Variants in SEPHS2 observed in about 807,000 individuals in gnomAD.
The protein encoded by SEPHS2 is selenide, water dikinase 2.
In SEPHS2, 11 loss-of-function variants were observed where a neutral mutation model predicts 23.9. That is an observed-to-expected ratio of 0.46 (90% confidence interval 0.29 to 0.76). The LOEUF is 0.76. Ranked by LOEUF, SEPHS2 falls within the 30% of genes least tolerant of loss-of-function variation. The probability of loss-of-function intolerance (pLI) is 0.10; values close to 1 mark genes in which losing one functional copy is unlikely to be tolerated. For missense variants in SEPHS2, 541 were observed against 592.5 expected (o/e 0.91, Z 0.90); for synonymous variants, 239 against 247.5 (o/e 0.97, Z 0.32).
At position 30,444,756 on chromosome 16, in the gene SEPHS2, T is replaced by A. The variant is rs1479786995; in HGVS notation, c.972A>T (p.Gly324=). ...GTTGTTTTGCAAGGTTCTGGGAGTG[T>A]CCTAGAATGCCAAAGCCTGTGATAT... The part of the protein sequence containing the change: ...ATDITGFGIL[G]HSQNLAKQQR... Residue 324 remains glycine (G), a synonymous_variant, in exon 1 of 1, where the codon GGA becomes GGT. Transcript: ENST00000478753. This position sits in a 1 kb window ranked among gnomAD's most constrained non-coding sequence, Gnocchi z 4.0. The A allele has an allele frequency of 6.2e-7, 1 of 1,611,262 alleles. No individual in the cohort carries two copies. The highest frequency in any genetic ancestry group is 8.5e-7 in the Non-Finnish European group (1 of 1,178,198).
chr16:30,445,555 T>A lies in SEPHS2; in HGVS notation c.173A>T (p.Lys58Met). ...CTGCGGGACCTTGCAGCCTCAGCCCTTCATGCCGGAGAAGCCCGTCAGCCG... is the reference window on the plus strand; with the variant it reads ...CTGCGGGACCTTGCAGCCTCAGCCCATCATGCCGGAGAAGCCCGTCAGCCG... ...SWRLTGFSGM[K>M]GUGCKVPQEA... is the part of the protein sequence containing the mutation. The change falls in exon 1 of 1, where the codon AAG becomes ATG. Residue 58 changes from lysine (K) to methionine (M), a missense_variant. Physicochemically the swap from Lys to Met is moderately conservative, Grantham distance 95. This residue lies in a region of SEPHS2 where 207 missense variants were observed against 182.2 expected (regional missense o/e 1.14). Coordinates refer to ENST00000478753, the MANE Select transcript of SEPHS2 (RefSeq NM_012248.4). The A allele has an allele frequency of 6.5e-7, 1 of 1,537,270 alleles. No individual in the cohort carries two copies. Among genetic ancestry groups the A allele is most frequent in the Non-Finnish European group, 8.7e-7 (1 of 1,147,512 alleles).
chr16:30,445,339 C>A lies in SEPHS2; in HGVS notation c.389G>T (p.Gly130Val). The A allele has an allele frequency of 6.2e-7, 1 of 1,612,840 alleles. No homozygotes were observed. Among genetic ancestry groups the A allele is most frequent in the Non-Finnish European group, 8.5e-7 (1 of 1,179,370 alleles). Residue 130 changes from glycine to valine, a missense_variant, in exon 1 of 1, where the codon GGC becomes GTC. This residue lies in a region of SEPHS2 where 207 missense variants were observed against 182.2 expected (regional missense o/e 1.14). Coordinates refer to ENST00000478753, the MANE Select transcript of SEPHS2 (RefSeq NM_012248.4). ...DSCVIPLRHG[G>V]LSLVQTTDFF... ...GTCCGTGGTCTGCACCAGTGACAGG[C>A]CCCCGTGCCTCAGGGGGATGACGCA...
Position 30,445,873 on chromosome 16 carries a change from C to CTCGACAAGGTCATCTATAA in SEPHS2, c.-147_-146insTTATAGATGACCTTGTCGA. 8.9e-7 allele frequency: 1 copy of CTCGACAAGGTCATCTATAA among 1,122,414 alleles called. No homozygotes were observed. Among genetic ancestry groups the CTCGACAAGGTCATCTATAA allele is most frequent in the Non-Finnish European group, 1.2e-6 (1 of 823,060 alleles). 69.5% of individuals were successfully genotyped at this position (1,122,414 alleles called of 1,614,324 possible). A position where few individuals can be genotyped will look rare whatever the true frequency, so the allele number is the denominator to read the frequency against. On this transcript the variant is annotated 5_prime_UTR_variant, in exon 1 of 1. It adds an upstream start codon to the 5' untranslated region. Transcript: ENST00000478753. Reference sequence around the variant, plus strand: ...CAGACCCACGGCATGCACAATCTTCCTGATAGAGGAGCCGCCGGACTCCCT... The same window carrying CTCGACAAGGTCATCTATAA: ...CAGACCCACGGCATGCACAATCTTCCTCGACAAGGTCATCTATAATGATAGAGGAGCCGCCGGACTCCCT...
chr16:30,445,193 C>G lies in SEPHS2; in HGVS notation c.535G>C (p.Val179Leu), dbSNP rs2050273277. Residue 179 changes from valine to leucine, a missense_variant, in exon 1 of 1, where the codon GTC becomes CTC. By Grantham distance (32) the Val-to-Leu change is conservative. Transcript: ENST00000478753. ...ECDNMLMLLS[V>L]SQSMSEEERE... ...TCCTCCTCACTCATACTCTGGCTGACGCTGAGTAACATCAACATGTTGTCA... is the reference window on the plus strand; with the variant it reads ...TCCTCCTCACTCATACTCTGGCTGAGGCTGAGTAACATCAACATGTTGTCA... The G allele has an allele frequency of 6.2e-7, 1 of 1,614,104 alleles. No homozygotes were observed. Among genetic ancestry groups the G allele is most frequent in the African/African-American group, 1.3e-5 (1 of 74,934 alleles).
In SEPHS2 at chr16:30,445,505, C is replaced by T; in HGVS notation, c.223G>A (p.Gly75Arg). ...PQEALLKLLA[G>R]LTRPDVRPPL... Reference sequence around the variant, plus strand: ...GGCCGCACGTCCGGCCGCGTCAGTCCCGCCAGGAGTTTGAGCAGCGCCTCC... The same window carrying T: ...GGCCGCACGTCCGGCCGCGTCAGTCTCGCCAGGAGTTTGAGCAGCGCCTCC... The change falls in exon 1 of 1, where the codon GGA (glycine) becomes AGA (arginine). Residue 75 changes from glycine to arginine, a missense_variant. Gly to Arg is a moderately radical substitution (Grantham distance 125, BLOSUM62 -2). Around this residue, in one of 3 missense-constraint regions of SEPHS2, gnomAD observed 207 missense variants for 182.2 expected, o/e 1.14. Transcript: ENST00000478753. 1.3e-6 allele frequency: 2 copies of T among 1,536,416 alleles called. No homozygotes were observed. Among genetic ancestry groups the T allele is most frequent in the Non-Finnish European group, 1.7e-6 (2 of 1,146,834 alleles).
Position 30,445,621 on chromosome 16 carries a change from C to G in SEPHS2, c.107G>C (p.Arg36Pro), listed in dbSNP as rs765228222. The G allele has an allele frequency of 6.5e-7, 1 of 1,536,420 alleles. No homozygotes were observed. Among genetic ancestry groups the G allele is most frequent in the Non-Finnish European group, 8.7e-7 (1 of 1,147,216 alleles). Reference protein sequence around the residue: ...LTLGRSFSNYRPFEPQALGLS... With the variant: ...LTLGRSFSNYPPFEPQALGLS... ...GCCCAACGCCTGGGGCTCGAAGGGCCGGTAGTTCGAGAAGCTCCGGCCCAG... is the reference window on the plus strand; with the variant it reads ...GCCCAACGCCTGGGGCTCGAAGGGCGGGTAGTTCGAGAAGCTCCGGCCCAG... Residue 36 changes from arginine to proline, a missense_variant, in exon 1 of 1, where the codon CGG becomes CCG. Physicochemically the swap from Arg to Pro is moderately radical, Grantham distance 103. Transcript: ENST00000478753.
chr16:30,445,491 C>A lies in SEPHS2; in HGVS notation c.237G>T (p.Pro79=), dbSNP rs758280673. 19 of 1,538,308 alleles carry A rather than the reference C, an allele frequency of 1.2e-5. No homozygotes were observed. In the South Asian group the frequency reaches 2.1e-4, roughly 17 times the overall value. ...CCCGGCCCAGCGGGGGCCGCACGTC[C>A]GGCCGCGTCAGTCCCGCCAGGAGTT... ...LLKLLAGLTR[P]DVRPPLGRGL... is the part of the protein sequence containing the mutation. Residue 79 remains proline (P), a synonymous_variant, in exon 1 of 1, where the codon CCG becomes CCT. Coordinates refer to ENST00000478753, the MANE Select transcript of SEPHS2 (RefSeq NM_012248.4).
rs763560884 is a variant in SEPHS2, at chr16:30,445,509, CAGG to C, written c.216_218del (p.Leu73del). 8.5e-6 allele frequency: 13 copies of C among 1,536,474 alleles called. No individual in the cohort carries two copies. Among genetic ancestry groups the C allele is most frequent in the Non-Finnish European group, 1.0e-5 (12 of 1,146,978 alleles). On this transcript the variant is annotated inframe_deletion, in exon 1 of 1. Transcript: ENST00000478753. ...GCACGTCCGGCCGCGTCAGTCCCGC[CAGG>C]AGTTTGAGCAGCGCCTCCTGCGGGA...
rs1441667876 is a variant in SEPHS2, at chr16:30,445,121, C to T, written c.607G>A (p.Ala203Thr). Reference protein sequence around the residue: ...PLMVKGFRDAAEEGGTAVTGG... With the variant: ...PLMVKGFRDATEEGGTAVTGG... ...GTCACTGCCGTCCCTCCTTCCTCAG[C>T]CGCATCCCGAAAGCCTTTGACCATG... Residue 203 changes from alanine (A) to threonine (T), a missense_variant, in exon 1 of 1, where the codon GCT becomes ACT. Coordinates refer to ENST00000478753, the MANE Select transcript of SEPHS2 (RefSeq NM_012248.4). The T allele has an allele frequency of 3.7e-6, 6 of 1,606,076 alleles. No individual in the cohort carries two copies. The East Asian group carries it at 8.9e-5, about 24-fold the overall frequency.
Position 30,445,141 on chromosome 16 carries a change from A to C in SEPHS2, c.587T>G (p.Val196Gly). 6.2e-7 allele frequency: 1 copy of C among 1,612,452 alleles called. No homozygotes were observed. Among genetic ancestry groups the C allele is most frequent in the Non-Finnish European group, 8.5e-7 (1 of 1,178,772 alleles). Residue 196 changes from valine to glycine, a missense_variant, in exon 1 of 1, where the codon GTC becomes GGC. Physicochemically the swap from Val to Gly is moderately radical, Grantham distance 109. Coordinates refer to ENST00000478753, the MANE Select transcript of SEPHS2 (RefSeq NM_012248.4). ...EEREKVTPLMVKGFRDAAEEG... is the reference protein window; with the variant it reads ...EEREKVTPLMGKGFRDAAEEG... ...CTCAGCCGCATCCCGAAAGCCTTTG[A>C]CCATGAGTGGCGTTACCTTTTCGCG... is the stretch of plus-strand genomic sequence containing the variant.
Position 30,444,349 on chromosome 16 carries a change from T to C in SEPHS2, c.*32A>G. On this transcript the variant is annotated 3_prime_UTR_variant, in exon 1 of 1. Transcript: ENST00000478753. This position sits in a 1 kb window ranked among gnomAD's most constrained non-coding sequence, Gnocchi z 4.0. ...ACCATCCGTGATTGTGGACAATGGC[T>C]CTAAGGTCCAAACAACTTCTGTTCT... 6.4e-7 allele frequency: 1 copy of C among 1,557,536 alleles called. No individual in the cohort carries two copies. Among genetic ancestry groups the C allele is most frequent in the Non-Finnish European group, 8.7e-7 (1 of 1,150,864 alleles).
Position 30,444,681 on chromosome 16 carries a change from C to T in SEPHS2, c.1047G>A (p.Lys349=), listed in dbSNP as rs774965644. The change falls in exon 1 of 1, where the codon AAG becomes AAA. Residue 349 remains lysine (K), a synonymous_variant. Transcript: ENST00000478753. The surrounding 1 kb of genome is among the most constrained non-coding windows in gnomAD (Gnocchi z 4.0). The part of the protein sequence containing the change: ...FVIHNLPIIA[K]MAAVSKASGR... ...CACTGGCCTTGCTGACGGCAGCCAT[C>T]TTGGCAATTATTGGCAGATTATGAA... 1 of 1,609,636 alleles carries T rather than the reference C, an allele frequency of 6.2e-7. No individual in the cohort carries two copies. Among genetic ancestry groups the T allele is most frequent in the South Asian group, 1.1e-5 (1 of 90,964 alleles).
rs768113259 is a variant in SEPHS2, at chr16:30,445,369, T to C, written c.359A>G (p.Asp120Gly). 1 of 1,609,456 alleles carries C rather than the reference T, an allele frequency of 6.2e-7. No homozygotes were observed. The highest frequency in any genetic ancestry group is 1.3e-5 in the African/African-American group (1 of 74,696). Residue 120 changes from aspartate to glycine, a missense_variant, in exon 1 of 1, where the codon GAC becomes GGC. Asp to Gly is a moderately conservative substitution (Grantham distance 94). This residue lies in a region of SEPHS2 where 207 missense variants were observed against 182.2 expected (regional missense o/e 1.14). Transcript: ENST00000478753. ...PTFPALGIGM[D>G]SCVIPLRHGG... ...GTGCCTCAGGGGGATGACGCAGGAG[T>C]CCATCCCGATGCCCAGGGCTGGAAA...
In SEPHS2 at chr16:30,444,487, G is replaced by C; in HGVS notation, c.1241C>G (p.Ala414Gly). 6.2e-7 allele frequency: 1 copy of C among 1,610,684 alleles called. No individual in the cohort carries two copies. The highest frequency in any genetic ancestry group is 8.5e-7 in the Non-Finnish European group (1 of 1,177,166). ...AACTCGCGGCTTGTCAATGATCCGG[G>C]CCGTTCGGTTTCCCTTTTCCACAAT... ...VGIVEKGNRT[A>G]RIIDKPRVIE... is the part of the protein sequence containing the mutation. Residue 414 changes from alanine to glycine, a missense_variant, in exon 1 of 1, where the codon GCC becomes GGC. Physicochemically the swap from Ala to Gly is moderately conservative, Grantham distance 60. This residue lies in a region of SEPHS2 where 224 missense variants were observed against 237.4 expected (regional missense o/e 0.94). Coordinates refer to ENST00000478753, the MANE Select transcript of SEPHS2 (RefSeq NM_012248.4). This position sits in a 1 kb window ranked among gnomAD's most constrained non-coding sequence, Gnocchi z 4.0.
chr16:30,445,718 C>A lies in SEPHS2; in HGVS notation c.10G>T (p.Ala4Ser). Residue 4 changes from alanine (A) to serine (S), a missense_variant, in exon 1 of 1, where the codon GCC becomes TCC. Coordinates refer to ENST00000478753, the MANE Select transcript of SEPHS2 (RefSeq NM_012248.4). ...TCTCCGCAGGCGCCCGTCGCCGAGG[C>A]TTCCGCCATGGCGCCTGCCCGGCAG... MAE[A>S]SATGACGEAM... 2 of 1,542,376 alleles carry A rather than the reference C, an allele frequency of 1.3e-6. No homozygotes were observed. The highest frequency in any genetic ancestry group is 1.7e-6 in the Non-Finnish European group (2 of 1,145,890).
chr16:30,445,458 C>T lies in SEPHS2; in HGVS notation c.270G>A (p.Val90=), dbSNP rs2050275466. The change falls in exon 1 of 1, where the codon GTG becomes GTA. Residue 90 remains valine (V), a synonymous_variant. Transcript: ENST00000478753. The part of the protein sequence containing the change: ...DVRPPLGRGL[V]GGQEEASQEA... ...CCTGGGACGCCTCTTCCTGGCCACC[C>T]ACCAGGCCCCGGCCCAGCGGGGGCC... The T allele has an allele frequency of 1.3e-6, 2 of 1,549,654 alleles. No homozygotes were observed. The highest frequency in any genetic ancestry group is 2.3e-5 in the South Asian group (2 of 86,078).
At position 30,445,311 on chromosome 16, in the gene SEPHS2, G is replaced by T. The variant is rs202134725; in HGVS notation, c.417C>A (p.Phe139Leu). 6.2e-7 allele frequency: 1 copy of T among 1,614,146 alleles called. No individual in the cohort carries two copies. The highest frequency in any genetic ancestry group is 8.5e-7 in the Non-Finnish European group (1 of 1,180,000). Residue 139 changes from phenylalanine (F) to leucine (L), a missense_variant, in exon 1 of 1, where the codon TTC becomes TTA. Phe to Leu is a conservative substitution (Grantham distance 22). Around this residue, in one of 3 missense-constraint regions of SEPHS2, gnomAD observed 110 missense variants for 173.0 expected, o/e 0.64. Transcript: ENST00000478753. Reference sequence around the variant, plus strand: ...AGGGATCTTCTACCAAGGGGTAAAAGAAGTCCGTGGTCTGCACCAGTGACA... The same window carrying T: ...AGGGATCTTCTACCAAGGGGTAAAATAAGTCCGTGGTCTGCACCAGTGACA... ...GGLSLVQTTD[F>L]FYPLVEDPYM...
At position 30,445,841 on chromosome 16, in the gene SEPHS2, A is replaced by T. The variant is rs961407167; in HGVS notation, c.-114T>A. 107 of 1,333,760 alleles carry T rather than the reference A, an allele frequency of 8.0e-5. No individual in the cohort carries two copies. Among genetic ancestry groups the T allele is most frequent in the Non-Finnish European group, 4.3e-5 (43 of 1,007,450 alleles). The allele number at this position is 1,333,760 out of a possible 1,614,324, so 82.6% of individuals were successfully genotyped here. A position where few individuals can be genotyped will look rare whatever the true frequency, so the allele number is the denominator to read the frequency against. On this transcript the variant is annotated 5_prime_UTR_variant, in exon 1 of 1. Coordinates refer to ENST00000478753, the MANE Select transcript of SEPHS2 (RefSeq NM_012248.4). ...GCAGGGATTCTCCCTAGCGCTACTCAAGCCGTCAGACCCACGGCATGCACA... is the reference window on the plus strand; with the variant it reads ...GCAGGGATTCTCCCTAGCGCTACTCTAGCCGTCAGACCCACGGCATGCACA...
In SEPHS2 at chr16:30,444,839, T is replaced by G. The variant is rs1211937152; in HGVS notation, c.889A>C (p.Thr297Pro). Reference protein sequence around the residue: ...AYQEAMFNMATLNRTAAGLMH... With the variant: ...AYQEAMFNMAPLNRTAAGLMH... The stretch of plus-strand genomic sequence containing the variant: ...AAACCTGCAGCAGTTCTGTTGAGGG[T>G]AGCCATATTGAACATGGCTTCCTGA... Residue 297 changes from threonine (T) to proline (P), a missense_variant, in exon 1 of 1, where the codon ACC becomes CCC. By Grantham distance (38) the Thr-to-Pro change is conservative. This residue lies in a region of SEPHS2 where 224 missense variants were observed against 237.4 expected (regional missense o/e 0.94). Coordinates refer to ENST00000478753, the MANE Select transcript of SEPHS2 (RefSeq NM_012248.4). This position sits in a 1 kb window ranked among gnomAD's most constrained non-coding sequence, Gnocchi z 4.0. 6.2e-7 allele frequency: 1 copy of G among 1,614,076 alleles called. No individual in the cohort carries two copies. Among genetic ancestry groups the G allele is most frequent in the Non-Finnish European group, 8.5e-7 (1 of 1,180,042 alleles).
Sources: allele counts gnomAD v4.1 joint callset, GRCh38; gene constraint gnomAD v4.1.1; regional missense constraint gnomAD v4.1.1; non-coding constraint Gnocchi (gnomAD v3.1); transcripts MANE v1.5; gene names NCBI Gene and HGNC (gene_info 2026-07-23, HGNC 2026-07-21).